NKAIN2: variants seen among roughly 807,000 people sequenced by gnomAD.
NKAIN2 encodes the protein sodium/potassium-transporting ATPase subunit beta-1-interacting protein 2.
A neutral mutation model predicts 32.6 loss-of-function variants in NKAIN2; 14 were observed. The observed-to-expected ratio is 0.43, with a 90% CI of 0.28 to 0.67. NKAIN2 has a LOEUF of 0.67. Ranked by LOEUF, NKAIN2 falls within the 30% of genes least tolerant of loss-of-function variation. NKAIN2 has a pLI of 0.17. For missense variants in NKAIN2, 198 were observed against 258.3 expected (o/e 0.77, Z 1.60); for synonymous variants, 80 against 87.2 (o/e 0.92, Z 0.46).
At chr6:124,349,858 T>A (rs1401838312) in intron 2 of NKAIN2, among the ~76,000 whole-genome samples, 1 of 152,204 alleles carries the variant, frequency 6.6e-6, no homozygotes, top group African/African-American at 2.4e-5. Flanking sequence ...ATTCAATTAC[T>A]TTTTTCAGCT....
At chr6:124,083,296 A>G (rs1181326744) in intron 1 of NKAIN2, among the ~76,000 whole-genome samples, 3 of 151,916 alleles carry the variant, frequency 2.0e-5, no homozygotes, top group Non-Finnish European at 4.4e-5. Flanking sequence ...CAAGAATAAA[A>G]CTAAATCCAT....
chr6:124,296,026 A>G (rs1796035583), intron 2 of NKAIN2, among the ~76,000 whole-genome samples: 1 of 152,126 alleles, frequency 6.6e-6, no homozygotes, highest in Admixed American at 6.6e-5. Flanking sequence ...GAACAGCATA[A>G]TTCTATTTTT....
At position 124,322,906 on chromosome 6, in the gene NKAIN2, A is replaced by G. The variant is rs191369172; in HGVS notation, c.193-32361A>G. ...CTCACCAGCTCTGAATGAGAGAGCC[A>G]GTTTCTCCACATCCTCACCAGCATT... On this transcript the variant is annotated intron_variant, in intron 2 of 6. Coordinates refer to ENST00000368417, the MANE Select transcript of NKAIN2 (RefSeq NM_001040214.3). Among the ~76,000 whole-genome samples the G allele has an allele frequency of 8.5e-4, 129 of 152,294 alleles. 1 individual carries two copies. The highest frequency in any genetic ancestry group is 8.5e-4 in the Non-Finnish European group (58 of 68,008).
intron 1 of NKAIN2, among the ~76,000 whole-genome samples, chr6:124,149,716 A>T (rs1032372428): frequency 6.6e-6 from 1 of 152,204 alleles, no homozygotes; most frequent in African/African-American, 2.4e-5. Flanking sequence ...TTTGGAAATC[A>T]GGAAATGTAC....
chr6:124,313,119 A>AG (rs1796793029), intron 2 of NKAIN2, among the ~76,000 whole-genome samples: 1 of 152,158 alleles, frequency 6.6e-6, no homozygotes, highest in African/African-American at 2.4e-5. Context: ...AAATTTTGTA[A>AG]GAAAAACCTG....
chr6:124,417,212 G>A (rs960562562), intron 3 of NKAIN2, among the ~76,000 whole-genome samples: 8 of 151,984 alleles, frequency 5.3e-5, no homozygotes, highest in Non-Finnish European at 2.9e-5. Flanking sequence ...AAGCAATTAC[G>A]GACACATCTG....
intron 3 of NKAIN2, among the ~76,000 whole-genome samples, chr6:124,360,037 G>A (rs891753320): frequency 3.3e-5 from 5 of 152,118 alleles, no homozygotes; most frequent in African/African-American, 1.2e-4. Flanking sequence ...TAATCATGTG[G>A]TTTTTGTCGT....
chr6:123,917,763 T>C lies in NKAIN2; in HGVS notation c.54+113509T>C, dbSNP rs987215773. On this transcript the variant is annotated intron_variant, in intron 1 of 6. Coordinates refer to ENST00000368417, the MANE Select transcript of NKAIN2 (RefSeq NM_001040214.3). Reference sequence around the variant, plus strand: ...TAATAACTGATAAGGCTGAACACATTACAGGAAGATTTCATTATATTTTAT... The same window carrying C: ...TAATAACTGATAAGGCTGAACACATCACAGGAAGATTTCATTATATTTTAT... Among the ~76,000 whole-genome samples, 21 of 152,142 alleles carry C rather than the reference T, an allele frequency of 1.4e-4. No individual in the cohort carries two copies. In the South Asian group the frequency reaches 1.5e-3, roughly 11 times the overall value.
intron 2 of NKAIN2, among the ~76,000 whole-genome samples, chr6:124,332,577 T>A (rs1341696636): frequency 2.0e-5 from 3 of 147,650 alleles, no homozygotes; most frequent in African/African-American, 7.8e-5. Context: ...AGGGCCTTAT[T>A]TTTTTTTCTC....
chr6:123,975,629 C>A (rs1176817372), intron 1 of NKAIN2, among the ~76,000 whole-genome samples: 3 of 152,064 alleles, frequency 2.0e-5, no homozygotes, highest in African/African-American at 7.2e-5. Context: ...AAGATCAAGG[C>A]AATCGTAGAT....
At chr6:124,771,490 G>A (rs1778753538) in intron 4 of NKAIN2, among the ~76,000 whole-genome samples, 2 of 152,178 alleles carry the variant, frequency 1.3e-5, no homozygotes, top group African/African-American at 4.8e-5. Context: ...ATATATGTAA[G>A]CATTACAAAA....
intron 3 of NKAIN2, among the ~76,000 whole-genome samples, chr6:124,630,185 ACTT>A (rs1386653222): frequency 2.6e-5 from 4 of 152,132 alleles, no homozygotes; most frequent in Admixed American, 6.6e-5. Flanking sequence ...GGCTCCATAC[ACTT>A]CAGGATTGGG....
intron 2 of NKAIN2, among the ~76,000 whole-genome samples, chr6:124,297,695 T>C (rs970365675): frequency 2.1e-4 from 32 of 152,054 alleles, no homozygotes; most frequent in African/African-American, 7.0e-4. Context: ...ACTGAGCTGT[T>C]TCCGAGTCGG....
At chr6:124,520,595 A>C (rs989886134) in intron 3 of NKAIN2, among the ~76,000 whole-genome samples, 1 of 152,210 alleles carries the variant, frequency 6.6e-6, no homozygotes, top group Non-Finnish European at 1.5e-5. Flanking sequence ...CAGCTTTAAG[A>C]AGGCACATAA....
chr6:124,619,285 T>C (rs902600083), intron 3 of NKAIN2, among the ~76,000 whole-genome samples: 2 of 152,166 alleles, frequency 1.3e-5, no homozygotes, highest in Non-Finnish European at 2.9e-5. Flanking sequence ...AAGGAAGTTT[T>C]CTATTAAATA....
At chr6:124,163,954 C>T (rs1003243175) in intron 1 of NKAIN2, among the ~76,000 whole-genome samples, 2 of 151,946 alleles carry the variant, frequency 1.3e-5, no homozygotes, top group African/African-American at 4.8e-5. Context: ...ATAGACAACC[C>T]TGAAGTCATT....
chr6:124,032,478 G>T (rs558945142), intron 1 of NKAIN2, among the ~76,000 whole-genome samples: 1 of 151,970 alleles, frequency 6.6e-6, no homozygotes, highest in Non-Finnish European at 1.5e-5. Flanking sequence ...TGCCTGTGGA[G>T]TTTTAGAACT....
At chr6:124,740,034 G>C (rs1777128727) in intron 4 of NKAIN2, among the ~76,000 whole-genome samples, 1 of 151,796 alleles carries the variant, frequency 6.6e-6, no homozygotes, top group South Asian at 2.1e-4. Flanking sequence ...TTGTTTAATG[G>C]CTGGTGCTTC....
intron 3 of NKAIN2, among the ~76,000 whole-genome samples, chr6:124,412,684 A>G (rs981082114): frequency 2.6e-5 from 4 of 152,182 alleles, no homozygotes; most frequent in Non-Finnish European, 5.9e-5. Flanking sequence ...TGGGAGAACC[A>G]CTACTCTCTT....
Sources: gnomAD v4.1 joint callset for allele counts (sites outside exome capture counted in the v4.1 genomes callset) on GRCh38, gnomAD v4.1.1 for gene constraint, MANE v1.5 for transcripts, NCBI Gene and HGNC (gene_info 2026-07-23, HGNC 2026-07-21) for gene names.